SPON2: variants seen among roughly 807,000 people sequenced by gnomAD.
SPON2 encodes spondin 2.
Under a neutral mutation model 29.9 loss-of-function variants are expected in SPON2, and 32 were observed. The ratio of observed to expected loss-of-function variants is 1.07; its 90% CI spans 0.81 to 1.44. The LOEUF (loss-of-function observed/expected upper bound fraction) is 1.44, where lower values mean the gene tolerates loss of function less well. Among genes scored for constraint, SPON2 ranks in the 40% most tolerant of loss-of-function variants. The pLI is 0.00. For synonymous variants in SPON2, 248 were observed against 209.1 expected, an observed-to-expected ratio of 1.19 and a Z score of -1.61; for missense variants, 541 against 455.5, an observed-to-expected ratio of 1.19 and a Z score of -1.71.
At chr4:1,174,166 G>A (rs1330960579), upstream of SPON2, among the ~76,000 whole-genome samples, 1 of 151,662 alleles carries the variant, frequency 6.6e-6, no homozygotes, top group Non-Finnish European at 1.5e-5. Flanking sequence ...GGGAGGTCAA[G>A]CCTGCAGTGA....
chr4:1,172,174 C>T, intron 1 of SPON2, 100 bp from the exon 2 acceptor site: 2 of 982,132 alleles, frequency 2.0e-6, no homozygotes, highest in South Asian at 1.6e-5. Context: ...TGAGGACGGC[C>T]CCGAGCACCC....
chr4:1,177,797 T>C (rs942867704), upstream of SPON2, among the ~76,000 whole-genome samples: 7 of 152,092 alleles, frequency 4.6e-5, no homozygotes, highest in Non-Finnish European at 8.8e-5. Flanking sequence ...CCCAGCAGCA[T>C]GGAGCTCCTG....
chr4:1,195,063 G>T (rs1728028617), exon 1 of SPON2: 1 of 121,830 alleles, frequency 8.2e-6, no homozygotes, highest in African/African-American at 3.0e-5. Context: ...CCCGCAGCCG[G>T]CGTCTCCAAC....
At chr4:1,175,357 G>A (rs1024208198), upstream of SPON2, among the ~76,000 whole-genome samples, 3 of 152,260 alleles carry the variant, frequency 2.0e-5, no homozygotes, top group Non-Finnish European at 2.9e-5. Context: ...AGTCTCACAG[G>A]AGGCCAAGGA....
chr4:1,178,861 G>A (rs116218155), intron 2 of SPON2, among the ~76,000 whole-genome samples: 3,747 of 152,206 alleles, frequency 0.025, 51 homozygotes, highest in Middle Eastern at 0.044. Flanking sequence ...GGACGGGGCT[G>A]CGGAGTGGCA....
chr4:1,204,699 A>G (rs1201012215), intron 1 of SPON2, among the ~76,000 whole-genome samples: 1 of 152,100 alleles, frequency 6.6e-6, no homozygotes, highest in Non-Finnish European at 1.5e-5. Flanking sequence ...CCGGTGTTTT[A>G]ATTGGCCCCG....
rs376213322 is a variant in SPON2, at chr4:1,170,528, G to A, written c.685C>T (p.Arg229Trp). 60 of 1,613,964 alleles carry A rather than the reference G, an allele frequency of 3.7e-5. 2 individuals are homozygous for A. In the Admixed American group the frequency reaches 3.8e-4, roughly 10 times the overall value. Residue 229 changes from arginine to tryptophan, a missense_variant, in exon 5 of 6, where the codon CGG becomes TGG. Transcript: ENST00000290902. ...SHPANSFYYPRLKALPPIARV... is the reference protein window; with the variant it reads ...SHPANSFYYPWLKALPPIARV... ...GCGATGGGAGGCAGGGCCTTCAGCCGCGGGTAGTAGAAGGAGTTGGCCGGG... is the reference window on the plus strand; with the variant it reads ...GCGATGGGAGGCAGGGCCTTCAGCCACGGGTAGTAGAAGGAGTTGGCCGGG...
In SPON2 at chr4:1,169,255, C is replaced by A. The variant is rs190147475; in HGVS notation, c.811+1147G>T. 3.0e-4 allele frequency among the ~76,000 whole-genome samples: 45 copies of A among 152,210 alleles called. 1 individual carries two copies. In the East Asian group the frequency reaches 8.2e-3, roughly 28 times the overall value. ...CCACGAGGGGCTCTTCCCGCCAGAC[C>A]AGTTGCACACCACGAACAGTGCTGG... On this transcript the variant is annotated intron_variant, in intron 5 of 5. Transcript: ENST00000290902.
In SPON2 at chr4:1,202,986, G is replaced by T. The variant is rs995537977; in HGVS notation, c.-234+4894C>A. On this transcript the variant is annotated intron_variant, in intron 1 of 3. Coordinates refer to the SPON2 transcript ENST00000509233. This position sits in a 1 kb window ranked among gnomAD's most constrained non-coding sequence, Gnocchi z 5.4. ...CTCTGCGGTCCCAAAGGTGCCCCAG[G>T]GTCTCATCCCTTGCCATGATTCTGT... is the stretch of plus-strand genomic sequence containing the variant. Among the ~76,000 whole-genome samples, 4 of 152,158 alleles carry T rather than the reference G, an allele frequency of 2.6e-5. No homozygotes were observed. The highest frequency in any genetic ancestry group is 9.7e-5 in the African/African-American group (4 of 41,418).
intron 1 of SPON2, among the ~76,000 whole-genome samples, chr4:1,186,088 C>CAA (rs368571371): frequency 2.1e-5 from 3 of 145,934 alleles, no homozygotes; most frequent in Non-Finnish European, 3.1e-5. Context: ...ACTAAAAATA[C>CAA]AAAAAATTAG....
At chr4:1,177,213 T>C (rs914633868), upstream of SPON2, among the ~76,000 whole-genome samples, 4 of 152,304 alleles carry the variant, frequency 2.6e-5, no homozygotes, top group Middle Eastern at 3.4e-3. Context: ...TGTGTCCACA[T>C]CCAGCTCCAC....
intron 2 of SPON2, among the ~76,000 whole-genome samples, chr4:1,178,930 T>C (rs1288997117): frequency 1.3e-5 from 2 of 152,152 alleles, no homozygotes; most frequent in Non-Finnish European, 1.5e-5. Context: ...CGTGCTCCTG[T>C]GTCCCTCTTG....
At chr4:1,193,765 C>T (rs188800952) in intron 1 of SPON2, among the ~76,000 whole-genome samples, 1 of 42,222 alleles carries the variant, frequency 2.4e-5, no homozygotes, top group Non-Finnish European at 3.9e-5. Flanking sequence ...GTGGGAAGGA[C>T]GTGGGGGGTG....
At chr4:1,186,462 C>T (rs1727810098) in intron 1 of SPON2, among the ~76,000 whole-genome samples, 1 of 152,054 alleles carries the variant, frequency 6.6e-6, no homozygotes, top group African/African-American at 2.4e-5. Flanking sequence ...TGCTGCCGTG[C>T]CCGGCTAATT....
At chr4:1,167,726 C>T in intron 5 of SPON2, 70 bp from the exon 6 acceptor site, 2 of 1,488,430 alleles carry the variant, frequency 1.3e-6, no homozygotes, top group Non-Finnish European at 1.8e-6. Context: ...ACGGAAGCCA[C>T]CTCCCACCAA....
chr4:1,199,909 C>A (rs1260051723), upstream of SPON2: 5 of 152,198 alleles, frequency 3.3e-5, no homozygotes, highest in Admixed American at 3.3e-4. The surrounding 1 kb of genome is among the most constrained non-coding windows in gnomAD (Gnocchi z 4.5). Context: ...GGATGCAGGG[C>A]CCCCACCACT....
intron 1 of SPON2, among the ~76,000 whole-genome samples, chr4:1,194,315 C>T (rs1487688471): frequency 6.6e-6 from 1 of 152,210 alleles, no homozygotes; most frequent in Non-Finnish European, 1.5e-5. Context: ...CAACGGGGCT[C>T]ACCCGCAGGT....
intron 1 of SPON2, among the ~76,000 whole-genome samples, chr4:1,184,525 A>G (rs1727756533): frequency 1.3e-5 from 2 of 152,240 alleles, no homozygotes; most frequent in African/African-American, 4.8e-5. Flanking sequence ...AATAATCTTT[A>G]AAAGAAGAAC....
chr4:1,171,871 C>G lies in SPON2; in HGVS notation c.201G>C (p.Ala67=), dbSNP rs769926787. The G allele has an allele frequency of 6.2e-7, 1 of 1,612,620 alleles. No individual in the cohort carries two copies. Among genetic ancestry groups the G allele is most frequent in the South Asian group, 1.1e-5 (1 of 91,084 alleles). ...ACTTACCCAGCAGCGAAGACCACTG[C>G]GCAGGGGGGCGGAACAGGGGGTACT... is the stretch of plus-strand genomic sequence containing the variant. ...PKQYPLFRPP[A]QWSSLLGAAH... Residue 67 remains alanine, a synonymous_variant, in exon 2 of 6, where the codon GCG becomes GCC. Transcript: ENST00000290902.
Sources: gnomAD v4.1 joint callset for allele counts (sites outside exome capture counted in the v4.1 genomes callset) on GRCh38, gnomAD v4.1.1 for gene constraint, Gnocchi (gnomAD v3.1) non-coding constraint, MANE v1.5 for transcripts, NCBI Gene and HGNC (gene_info 2026-07-23, HGNC 2026-07-21) for gene names.